The following ZNF541 variants were observed in gnomAD, a reference collection of about 807,000 sequenced individuals.
ZNF541 encodes zinc finger protein 541.
Under a neutral mutation model 123.5 loss-of-function variants are expected in ZNF541, and 23 were observed. The ratio of observed to expected loss-of-function variants is 0.19; its 90% confidence interval spans 0.13 to 0.26. The LOEUF (loss-of-function observed/expected upper bound fraction) is 0.26. ZNF541 is among the 10% of genes least tolerant of loss of function. The probability of loss-of-function intolerance (pLI) is 1.00; values close to 1 mark genes in which losing one functional copy is unlikely to be tolerated. For synonymous variants in ZNF541, 751 were observed against 754.5 expected, an observed-to-expected ratio of 1.00 and a Z score of 0.08; for missense variants, 1,612 against 1,789.9, an observed-to-expected ratio of 0.90 and a Z score of 1.79.
Position 47,521,912 on chromosome 19 carries a change from G to C in ZNF541, c.3653C>G (p.Pro1218Arg). 6.4e-7 allele frequency: 1 copy of C among 1,551,834 alleles called. No individual in the cohort carries two copies. The highest frequency in any genetic ancestry group is 2.4e-5 in the East Asian group (1 of 40,916). ...TCTCTTGACCCTCTTTTCTAGCCCTGGGGCTCGGCCACAGTCAAACTTGAT... is the reference window on the plus strand; with the variant it reads ...TCTCTTGACCCTCTTTTCTAGCCCTCGGGCTCGGCCACAGTCAAACTTGAT... ...KMIKFDCGRA[P>R]GLEKRVKREP... Residue 1218 changes from proline to arginine, a missense_variant, in exon 15 of 17, where the codon CCA (proline) becomes CGA (arginine). Physicochemically the swap from Pro to Arg is moderately radical, Grantham distance 103. Around this residue, in one of 5 missense-constraint regions of ZNF541, gnomAD observed 285 missense variants for 407.3 expected, o/e 0.70. Coordinates refer to ENST00000391901, the MANE Select transcript of ZNF541 (RefSeq NM_001277075.3). This position sits in a 1 kb window ranked among gnomAD's most constrained non-coding sequence, Gnocchi z 4.2.
chr19:47,530,594 C>T, intron 12 of ZNF541, among the ~76,000 whole-genome samples: 1 of 152,160 alleles, frequency 6.6e-6, no homozygotes, highest in South Asian at 2.1e-4. Flanking sequence ...GTGGGGCCCA[C>T]TGCAAAATGA....
Position 47,539,898 on chromosome 19 carries a change from G to A in ZNF541, c.2623-20C>T, listed in dbSNP as rs1483602865. On this transcript the variant is annotated intron_variant, in intron 7 of 16. Coordinates refer to ENST00000391901, the MANE Select transcript of ZNF541 (RefSeq NM_001277075.3). ...AAACACCTAAACACAGAAGAGAAGAGATGGCTCTTTAAGAGATAAGGTAGG... is the reference window on the plus strand; with the variant it reads ...AAACACCTAAACACAGAAGAGAAGAAATGGCTCTTTAAGAGATAAGGTAGG... The A allele has an allele frequency of 6.6e-7, 1 of 1,520,710 alleles. No homozygotes were observed. The highest frequency in any genetic ancestry group is 1.4e-5 in the African/African-American group (1 of 70,948). 94.2% of individuals were successfully genotyped at this position (1,520,710 alleles called of 1,614,324 possible).
chr19:47,558,510 T>TA (rs1292686280), intron 2 of ZNF541, among the ~76,000 whole-genome samples: 1 of 151,116 alleles, frequency 6.6e-6, no homozygotes, highest in Non-Finnish European at 1.5e-5. Context: ...TACATTAACT[T>TA]AGTTATTTAA....
rs571703586 is a variant in ZNF541 at position 47,557,664 on chromosome 19, A to G, written c.-98-1710T>C. 2.0e-5 allele frequency among the ~76,000 whole-genome samples: 3 copies of G among 152,224 alleles called. No homozygotes were observed. In the East Asian group the frequency reaches 5.8e-4, roughly 29 times the overall value. On this transcript the variant is annotated intron_variant, in intron 2 of 16. Coordinates refer to ENST00000391901, the MANE Select transcript of ZNF541 (RefSeq NM_001277075.3). ...AGACCAGCCTGGGCAAGACAGCAAG[A>G]CTGGCTTCTACAAAAAATTAAAATA...
Position 47,521,350 on chromosome 19 carries a change from A to G in ZNF541, c.3915T>C (p.Asn1305=), listed in dbSNP as rs1357770414. The change falls in exon 17 of 17, where the codon AAT becomes AAC. Residue 1305 remains asparagine, a synonymous_variant. Transcript: ENST00000391901. The surrounding 1 kb of genome is among the most constrained non-coding windows in gnomAD (Gnocchi z 4.2). ...GAAGGCGGTGCCGCTTCATATGGGC[A>G]TTTCGACTCTTGATCTTGTCAAACA... The part of the protein sequence containing the change: ...ERVFDKIKSR[N]AHMKRHRLQD... The G allele has an allele frequency of 1.9e-6, 3 of 1,551,688 alleles. No individual in the cohort carries two copies. The highest frequency in any genetic ancestry group is 2.6e-6 in the Non-Finnish European group (3 of 1,146,988).
chr19:47,550,939 C>T (rs545277773), intron 3 of ZNF541, among the ~76,000 whole-genome samples: 2 of 152,252 alleles, frequency 1.3e-5, no homozygotes, highest in South Asian at 4.1e-4. Context: ...GCGAGAGTTC[C>T]CATTCTGGCA....
At chr19:47,531,221 A>C (rs1969551090) in intron 12 of ZNF541, among the ~76,000 whole-genome samples, 1 of 55,596 alleles carries the variant, frequency 1.8e-5, no homozygotes, top group African/African-American at 8.5e-5. Flanking sequence ...TCTAACACCC[A>C]GAATTGTGAG....
chr19:47,557,044 C>T (rs1970853575), intron 2 of ZNF541, among the ~76,000 whole-genome samples: 1 of 152,186 alleles, frequency 6.6e-6, no homozygotes, highest in African/African-American at 2.4e-5. Flanking sequence ...AGGCGTGAGC[C>T]ACTGAGTCCA....
In ZNF541 at chr19:47,544,551, G is replaced by A. The variant is rs930805838; in HGVS notation, c.1978C>T (p.Leu660Phe). 5 of 1,551,636 alleles carry A rather than the reference G, an allele frequency of 3.2e-6. No homozygotes were observed. In the Admixed American group the frequency reaches 7.8e-5, roughly 24 times the overall value. The change falls in exon 5 of 17, where the codon CTT (leucine) becomes TTT (phenylalanine). Residue 660 changes from leucine to phenylalanine, a missense_variant. Physicochemically the swap from Leu to Phe is conservative, Grantham distance 22 (BLOSUM62 0). Coordinates refer to ENST00000391901, the MANE Select transcript of ZNF541 (RefSeq NM_001277075.3). ...GAAGGGTCCAGAGACGGTGCTGCAA[G>A]GGGCGTTGGAACCGCGGCCACTTTC... The part of the protein sequence containing the change: ...GLKVAAVPTP[L>F]AAPSLDPSRN...
chr19:47,553,621 G>C (rs1217519879), intron 3 of ZNF541, among the ~76,000 whole-genome samples: 1 of 151,990 alleles, frequency 6.6e-6, no homozygotes, highest in Non-Finnish European at 1.5e-5. Context: ...AGCCAGGATG[G>C]TCTTGAACTC....
chr19:47,566,681 G>T (rs565368155), intron 2 of ZNF541, among the ~76,000 whole-genome samples: 1 of 151,904 alleles, frequency 6.6e-6, no homozygotes, highest in African/African-American at 2.4e-5. Context: ...GGGAGGCGGA[G>T]GTTGCAGTGA....
chr19:47,532,089 G>A (rs1304007621), intron 11 of ZNF541, 39 bp downstream of exon 11: 1 of 1,546,274 alleles, frequency 6.5e-7, no homozygotes, highest in Non-Finnish European at 8.7e-7. Context: ...GGAGGGGGAA[G>A]AAGGGCCCTT....
chr19:47,528,869 G>T, intron 14 of ZNF541, 81 bp downstream of exon 14: 2 of 1,200,276 alleles, frequency 1.7e-6, no homozygotes, highest in South Asian at 2.7e-5. Context: ...GGGGCCCTCC[G>T]ACCCCCGACC....
Position 47,532,128 on chromosome 19 carries a change from C to CTCTA in ZNF541, c.3297_3300dup (p.Val1101Ter). On this transcript the variant is annotated stop_gained and frameshift_variant and splice_region_variant, in exon 11 of 17. Transcript: ENST00000391901. LOFTEE classifies it high-confidence loss of function. Reference sequence around the variant, plus strand: ...AATTTAGCCCCAAAGCCTCAGCCACCTCTATCCTGTGTCTCTGAGCTGATC... The same window carrying CTCTA: ...AATTTAGCCCCAAAGCCTCAGCCACCTCTATCTATCCTGTGTCTCTGAGCTGATC... 6.4e-7 allele frequency: 1 copy of CTCTA among 1,551,662 alleles called. No individual in the cohort carries two copies. The highest frequency in any genetic ancestry group is 8.7e-7 in the Non-Finnish European group (1 of 1,146,988).
intron 12 of ZNF541, 116 bp downstream of exon 12, chr19:47,531,526 T>C: frequency 1.4e-6 from 1 of 720,960 alleles, no homozygotes; most frequent in Non-Finnish European, 2.2e-6. Context: ...TGGAGGAGGA[T>C]GGGCGGCCTT....
chr19:47,527,336 CA>C (rs1327883514), intron 14 of ZNF541, among the ~76,000 whole-genome samples: 3 of 151,970 alleles, frequency 2.0e-5, no homozygotes, highest in Non-Finnish European at 4.4e-5. Context: ...TGTATACATC[CA>C]ATTTTTTTTT....
chr19:47,544,003 A>T, intron 5 of ZNF541, 123 bp downstream of exon 5: 6 of 1,270,432 alleles, frequency 4.7e-6, no homozygotes, highest in Non-Finnish European at 6.3e-6. Context: ...CGGAACCTTA[A>T]TTCCTTCCTC....
In ZNF541 at chr19:47,521,053, T is replaced by G; in HGVS notation, c.*171A>C. 8.0e-6 allele frequency: 6 copies of G among 751,608 alleles called. No individual in the cohort carries two copies. The highest frequency in any genetic ancestry group is 1.9e-5 in the South Asian group (1 of 52,912). The allele number at this position is 751,608 out of a possible 1,614,324, so 46.6% of individuals were successfully genotyped here. A position where few individuals can be genotyped will look rare whatever the true frequency, so the allele number is the denominator to read the frequency against. On this transcript the variant is annotated 3_prime_UTR_variant, in exon 17 of 17. Transcript: ENST00000391901. This position sits in a 1 kb window ranked among gnomAD's most constrained non-coding sequence, Gnocchi z 4.2. Reference sequence around the variant, plus strand: ...AGGGACTGCATAGCTGTCCGACAACTGAGCTCCTCCTGCCTATCTGTGGCC... The same window carrying G: ...AGGGACTGCATAGCTGTCCGACAACGGAGCTCCTCCTGCCTATCTGTGGCC...
chr19:47,569,784 CAGA>C (rs1971407916), intron 2 of ZNF541, among the ~76,000 whole-genome samples: 1 of 151,888 alleles, frequency 6.6e-6, no homozygotes, highest in Non-Finnish European at 1.5e-5. Context: ...GAGACTGAAG[CAGA>C]AGGATTGCTT....
Sources: gnomAD v4.1 joint callset for allele counts (sites outside exome capture counted in the v4.1 genomes callset) on GRCh38, gnomAD v4.1.1 for gene constraint, gnomAD v4.1.1 regional missense constraint, Gnocchi (gnomAD v3.1) non-coding constraint, MANE v1.5 for transcripts, NCBI Gene and HGNC (gene_info 2026-07-23, HGNC 2026-07-21) for gene names.